The following MON2 variants were observed in gnomAD, a reference collection of about 807,000 sequenced individuals.
MON2 encodes protein MON2 homolog.
In MON2, 84 loss-of-function variants were observed where a neutral mutation model predicts 208.6. The ratio of observed to expected loss-of-function variants is 0.40; its 90% CI spans 0.34 to 0.48. MON2 has a LOEUF of 0.48. MON2 is among the 20% of genes least tolerant of loss of function. The probability of loss-of-function intolerance (pLI) is 0.59; values close to 1 mark genes in which losing one functional copy is unlikely to be tolerated. For missense variants in MON2, 1,611 were observed against 2,015.4 expected (o/e 0.80, Z 3.84); for synonymous variants, 660 against 694.0 (o/e 0.95, Z 0.77).
chr12:62,572,659 G>A (rs777647339), intron 30 of MON2, among the ~76,000 whole-genome samples: 45 of 152,114 alleles, frequency 3.0e-4, no homozygotes, highest in Admixed American at 1.1e-3. Flanking sequence ...TGTTGCCTAG[G>A]TGTCTTGAAC....
At chr12:62,534,790 A>G in intron 12 of MON2, 55 bp from the exon 13 acceptor site, 3 of 1,266,502 alleles carry the variant, frequency 2.4e-6, no homozygotes, top group East Asian at 5.0e-5. Context: ...ACATATTAAT[A>G]CATATTGTGC....
intron 31 of MON2, among the ~76,000 whole-genome samples, chr12:62,579,849 A>G (rs892167686): frequency 2.6e-5 from 4 of 152,258 alleles, no homozygotes; most frequent in African/African-American, 4.8e-5. Context: ...GCAAAATAAC[A>G]TACTACATGT....
At chr12:62,498,864 AT>A in intron 4 of MON2, 54 bp from the exon 5 acceptor site, 1 of 1,525,346 alleles carries the variant, frequency 6.6e-7, no homozygotes, top group Non-Finnish European at 8.8e-7. Context: ...TTCAATAAAG[AT>A]AATGGCTTTG....
At chr12:62,566,115 G>T (rs2074377180) in intron 28 of MON2, 84 bp downstream of exon 28, 1 of 1,444,242 alleles carries the variant, frequency 6.9e-7, no homozygotes, top group Non-Finnish European at 9.5e-7. Flanking sequence ...AATGCTGTAT[G>T]TGCTTTTTCC....
intron 21 of MON2, 58 bp downstream of exon 21, chr12:62,545,066 A>C: frequency 8.8e-7 from 1 of 1,134,672 alleles, no homozygotes; most frequent in Non-Finnish European, 1.2e-6. Context: ...CCTCCTCCAT[A>C]TGTGATTTTT....
intron 1 of MON2, chr12:62,470,810 T>C: frequency 1.1e-6 from 1 of 911,134 alleles, no homozygotes; most frequent in Non-Finnish European, 1.3e-6. Context: ...AATTTTATAC[T>C]GAAGATGATT....
chr12:62,594,299 C>T lies in MON2; in HGVS notation c.*1550C>T, dbSNP rs1244320818. Reference sequence around the variant, plus strand: ...TCATGATTGAGATACAGTTTTGAGGCTATTATAATTGTATAATTATTTAAT... The same window carrying T: ...TCATGATTGAGATACAGTTTTGAGGTTATTATAATTGTATAATTATTTAAT... On this transcript the variant is annotated 3_prime_UTR_variant, in exon 35 of 35. Transcript: ENST00000393630. The T allele has an allele frequency of 1.3e-5, 2 of 151,962 alleles. No homozygotes were observed. Among genetic ancestry groups the T allele is most frequent in the Non-Finnish European group, 2.9e-5 (2 of 67,948 alleles). 9.4% of individuals were successfully genotyped at this position (151,962 alleles called of 1,614,324 possible). A position where few individuals can be genotyped will look rare whatever the true frequency, so the allele number is the denominator to read the frequency against.
intron 8 of MON2, among the ~76,000 whole-genome samples, chr12:62,518,413 C>T (rs2071813587): frequency 1.3e-5 from 2 of 152,122 alleles, no homozygotes; most frequent in African/African-American, 2.4e-5. Flanking sequence ...ATATAGTTTG[C>T]CTGAGATGAT....
At chr12:62,570,722 C>CTTTTTTTTTTTTTTTTTTTTTT (rs1192680038) in intron 29 of MON2, among the ~76,000 whole-genome samples, 1 of 70,814 alleles carries the variant, frequency 1.4e-5, no homozygotes, top group Non-Finnish European at 2.6e-5. Flanking sequence ...TTTTCTTTTT[C>CTTTTTTTTTTTTTTTTTTTTTT]TTTTTTTTTT....
intron 20 of MON2, among the ~76,000 whole-genome samples, chr12:62,543,640 C>T (rs1020425031): frequency 6.6e-6 from 1 of 151,826 alleles, no homozygotes; most frequent in African/African-American, 2.4e-5. Flanking sequence ...CGGAATCTAA[C>T]TCCGTCACCC....
At chr12:62,495,984 CAG>C (rs1371598970) in intron 4 of MON2, among the ~76,000 whole-genome samples, 3 of 152,062 alleles carry the variant, frequency 2.0e-5, no homozygotes, top group East Asian at 3.9e-4. Flanking sequence ...TTCTAAAGAA[CAG>C]AAAGTAGAGA....
chr12:62,553,393 A>G (rs1022661766), intron 24 of MON2: 1 of 427,746 alleles, frequency 2.3e-6, no homozygotes, highest in Non-Finnish European at 4.1e-6. Context: ...ATCTCTTATT[A>G]TTATATCTCT....
intron 24 of MON2, 64 bp downstream of exon 24, chr12:62,553,238 C>CG: frequency 7.3e-7 from 1 of 1,361,690 alleles, no homozygotes. Context: ...AATACTTTTT[C>CG]AGTTAAACTT....
In MON2 at chr12:62,534,881, G is replaced by A. The variant is rs2072892451; in HGVS notation, c.1670G>A (p.Cys557Tyr). 4 of 1,612,224 alleles carry A rather than the reference G, an allele frequency of 2.5e-6. No individual in the cohort carries two copies. Among genetic ancestry groups the A allele is most frequent in the Non-Finnish European group, 3.4e-6 (4 of 1,178,974 alleles). Reference protein sequence around the residue: ...RAVWEEMVNACWCGLLAALSL... With the variant: ...RAVWEEMVNAYWCGLLAALSL... ...GTTTGGGAAGAAATGGTGAATGCCT[G>A]CTGGTGTGGTCTTCTTGCTGCACTC... The change falls in exon 13 of 35, where the codon TGC becomes TAC. Residue 557 changes from cysteine (C) to tyrosine (Y), a missense_variant. Cys to Tyr is a radical substitution (Grantham distance 194). Coordinates refer to ENST00000393630, the MANE Select transcript of MON2 (RefSeq NM_015026.3).
Position 62,499,059 on chromosome 12 carries a change from A to G in MON2, c.565+11A>G, listed in dbSNP as rs1218840293. On this transcript the variant is annotated intron_variant, in intron 5 of 34. Coordinates refer to ENST00000393630, the MANE Select transcript of MON2 (RefSeq NM_015026.3). ...ATGAACGACACAGAGGTAAAGTGCT[A>G]GAAGTTGTTTTACTTTGTGGGTGGT... 1.2e-6 allele frequency: 2 copies of G among 1,607,938 alleles called. No individual in the cohort carries two copies. The highest frequency in any genetic ancestry group is 2.2e-5 in the East Asian group (1 of 44,548).
intron 19 of MON2, among the ~76,000 whole-genome samples, chr12:62,541,307 G>A (rs2073224770): frequency 6.6e-6 from 1 of 151,432 alleles, no homozygotes; most frequent in African/African-American, 2.4e-5. Flanking sequence ...CTTGGGAGGT[G>A]GAGGTTGCTG....
intron 30 of MON2, among the ~76,000 whole-genome samples, chr12:62,572,501 A>G (rs923127088): frequency 1.3e-5 from 2 of 152,210 alleles, no homozygotes; most frequent in African/African-American, 4.8e-5. Context: ...ACCCAAGTGC[A>G]GCAGTGTGAT....
intron 17 of MON2, 26 bp from the exon 18 acceptor site, chr12:62,538,226 A>G: frequency 6.2e-7 from 1 of 1,610,370 alleles, no homozygotes; most frequent in Non-Finnish European, 8.5e-7. Flanking sequence ...AGTGTCATAT[A>G]TTACATTTAA....
intron 2 of MON2, among the ~76,000 whole-genome samples, chr12:62,492,661 G>A (rs1226970700): frequency 7.2e-5 from 10 of 139,556 alleles, no homozygotes; most frequent in African/African-American, 1.3e-4. Flanking sequence ...GTGAGCCACC[G>A]CGCCCGGCCG....
Sources: allele counts gnomAD v4.1 joint callset (sites outside exome capture counted in the v4.1 genomes callset), GRCh38; gene constraint gnomAD v4.1.1; transcripts MANE v1.5; gene names NCBI Gene and HGNC (gene_info 2026-07-23, HGNC 2026-07-21).